CSMD1: variants seen among roughly 807,000 people sequenced by gnomAD.
The protein encoded by CSMD1 is CUB and sushi domain-containing protein 1.
Under a neutral mutation model 417.5 loss-of-function variants are expected in CSMD1, and 213 were observed. The observed-to-expected ratio is 0.51, with a 90% CI of 0.46 to 0.57. The LOEUF (loss-of-function observed/expected upper bound fraction) is 0.57. Ranked by LOEUF, CSMD1 falls within the 20% of genes least tolerant of loss-of-function variation. The pLI is 0.00. For missense variants in CSMD1, 6,923 were observed against 4,529.7 expected, an observed-to-expected ratio of 1.53 and a Z score of -15.17; for synonymous variants, 2,862 against 1,736.8, an observed-to-expected ratio of 1.65 and a Z score of -16.11.
intron 7 of CSMD1, among the ~76,000 whole-genome samples, chr8:3,663,891 G>C (rs140487713): frequency 1.3e-5 from 2 of 152,122 alleles, no homozygotes; most frequent in African/African-American, 2.4e-5. Context: ...CTCAACCTTG[G>C]ATAAATAAAC....
At chr8:4,399,024 A>G (rs773057899) in intron 3 of CSMD1, among the ~76,000 whole-genome samples, 33 of 152,258 alleles carry the variant, frequency 2.2e-4, no homozygotes, top group Non-Finnish European at 4.3e-4. Context: ...AGCTTTGTAA[A>G]TAAGTATGAG....
chr8:3,764,772 A>G (rs1450358770), intron 5 of CSMD1, among the ~76,000 whole-genome samples: 1 of 138,200 alleles, frequency 7.2e-6, no homozygotes, highest in Non-Finnish European at 1.5e-5. Flanking sequence ...TTTGAGAGAC[A>G]TTCTCACTCT....
intron 3 of CSMD1, among the ~76,000 whole-genome samples, chr8:4,035,460 G>A (rs1027064481): frequency 6.6e-6 from 1 of 152,160 alleles, no homozygotes; most frequent in African/African-American, 2.4e-5. Flanking sequence ...TCCAAAAGGA[G>A]GCATTATTAT....
At chr8:3,873,027 T>G (rs76050132) in intron 5 of CSMD1, among the ~76,000 whole-genome samples, 2 of 151,914 alleles carry the variant, frequency 1.3e-5, no homozygotes, top group Non-Finnish European at 2.9e-5. Flanking sequence ...TACTCAGAAT[T>G]GTTGTTATTA....
intron 3 of CSMD1, among the ~76,000 whole-genome samples, chr8:4,257,733 T>G (rs1010812528): frequency 6.6e-6 from 1 of 152,202 alleles, no homozygotes; most frequent in African/African-American, 2.4e-5. Flanking sequence ...ACCTCTCTGC[T>G]TCCGCTTTCC....
intron 5 of CSMD1, among the ~76,000 whole-genome samples, chr8:3,906,086 C>T (rs548746521): frequency 5.3e-4 from 81 of 152,242 alleles, no homozygotes; most frequent in African/African-American, 1.8e-3. Context: ...TCTCTCTTTC[C>T]TTCCCATGAT....
intron 10 of CSMD1, among the ~76,000 whole-genome samples, chr8:3,515,552 A>G (rs1797249494): frequency 1.3e-5 from 2 of 152,196 alleles, no homozygotes; most frequent in Admixed American, 6.5e-5. Flanking sequence ...AAAGCAGGAC[A>G]TGCTCTCCCA....
chr8:3,162,320 C>T (rs1269285074), intron 37 of CSMD1, 43 bp from the exon 38 acceptor site: 49 of 1,273,752 alleles, frequency 3.8e-5, no homozygotes, highest in Non-Finnish European at 5.4e-5. Context: ...ATGATGTAAA[C>T]AATATTCTTA....
chr8:3,856,125 G>A (rs914296595), intron 5 of CSMD1, among the ~76,000 whole-genome samples: 6 of 151,994 alleles, frequency 3.9e-5, no homozygotes, highest in South Asian at 2.1e-4. Flanking sequence ...TGCTGGAGAC[G>A]GGGCTTGGTG....
chr8:4,814,629 G>T (rs779614320), intron 1 of CSMD1, among the ~76,000 whole-genome samples: 8 of 152,020 alleles, frequency 5.3e-5, no homozygotes, highest in Admixed American at 1.3e-4. Context: ...ATTGATCAAG[G>T]GTCTTCATGT....
At chr8:3,667,614 G>C (rs947371633) in intron 7 of CSMD1, among the ~76,000 whole-genome samples, 2 of 152,158 alleles carry the variant, frequency 1.3e-5, no homozygotes, top group Admixed American at 6.5e-5. Flanking sequence ...AGTGACAGAG[G>C]AGTCCTCCTC....
At chr8:4,759,372 G>C (rs774304515) in intron 1 of CSMD1, among the ~76,000 whole-genome samples, 2 of 152,206 alleles carry the variant, frequency 1.3e-5, no homozygotes, top group South Asian at 2.1e-4. Flanking sequence ...GGGCCAGCAT[G>C]CAAGAGGCTA....
intron 5 of CSMD1, among the ~76,000 whole-genome samples, chr8:3,827,966 A>C (rs1413220870): frequency 6.6e-6 from 1 of 152,192 alleles, no homozygotes; most frequent in East Asian, 1.9e-4. Context: ...TTGCTAACCA[A>C]ATAGCCATCT....
chr8:3,283,979 G>C (rs964241808), intron 26 of CSMD1, among the ~76,000 whole-genome samples, 165 bp downstream of exon 26: 9 of 152,224 alleles, frequency 5.9e-5, no homozygotes, highest in Admixed American at 5.9e-4. Context: ...CCCAGCAATG[G>C]GGGAAGAGAA....
At chr8:4,014,644 G>A (rs1796436041) in intron 4 of CSMD1, among the ~76,000 whole-genome samples, 2 of 152,172 alleles carry the variant, frequency 1.3e-5, no homozygotes, top group Admixed American at 1.3e-4. Flanking sequence ...CAGAGCCTGG[G>A]TCTTAGCAAG....
chr8:4,416,697 C>A (rs1217920813), intron 3 of CSMD1, among the ~76,000 whole-genome samples: 1 of 151,918 alleles, frequency 6.6e-6, no homozygotes, highest in Non-Finnish European at 1.5e-5. Context: ...CGTGTATCAC[C>A]CAGTCCGTAT....
chr8:4,501,300 G>T (rs1359540225), intron 2 of CSMD1, among the ~76,000 whole-genome samples: 1 of 152,032 alleles, frequency 6.6e-6, no homozygotes, highest in Non-Finnish European at 1.5e-5. Context: ...TTAAAAACAT[G>T]AATGATTGTT....
intron 10 of CSMD1, among the ~76,000 whole-genome samples, chr8:3,515,862 G>C (rs1290974249): frequency 6.6e-6 from 1 of 152,210 alleles, no homozygotes; most frequent in Admixed American, 6.5e-5. Flanking sequence ...TTCAGCGTGG[G>C]GAAAATTAAC....
At chr8:4,635,194 A>G (rs1196922558) in intron 2 of CSMD1, among the ~76,000 whole-genome samples, 1 of 152,172 alleles carries the variant, frequency 6.6e-6, no homozygotes, top group Non-Finnish European at 1.5e-5. Context: ...AACATAACCC[A>G]GCAAGTAAAA....
Sources: gnomAD v4.1 joint callset for allele counts (sites outside exome capture counted in the v4.1 genomes callset) on GRCh38, gnomAD v4.1.1 for gene constraint, MANE v1.5 for transcripts, NCBI Gene and HGNC (gene_info 2026-07-23, HGNC 2026-07-21) for gene names.